PMEPA1: variants seen among roughly 807,000 people sequenced by gnomAD.
PMEPA1 encodes the protein prostate transmembrane protein, androgen induced 1.
PMEPA1 carries 11 observed loss-of-function variants against 23.0 expected under a neutral mutation model. The ratio of observed to expected loss-of-function variants is 0.48; its 90% CI spans 0.30 to 0.79. The LOEUF (loss-of-function observed/expected upper bound fraction) is 0.79. Among genes scored for constraint, PMEPA1 ranks in the 30% least tolerant of loss-of-function variants. The pLI is 0.06. For missense variants in PMEPA1, 377 were observed against 390.9 expected, an observed-to-expected ratio of 0.96 and a Z score of 0.30; for synonymous variants, 204 against 166.4, an observed-to-expected ratio of 1.23 and a Z score of -1.74.
chr20:57,699,395 C>T (rs867713961), intron 1 of PMEPA1, among the ~76,000 whole-genome samples: 41 of 152,218 alleles, frequency 2.7e-4, no homozygotes, highest in African/African-American at 9.4e-4. Flanking sequence ...TAATCACCTC[C>T]GTGCAGTAAT....
At chr20:57,663,093 A>G (rs1049238020) in intron 1 of PMEPA1, among the ~76,000 whole-genome samples, 1 of 152,222 alleles carries the variant, frequency 6.6e-6, no homozygotes, top group Non-Finnish European at 1.5e-5. Flanking sequence ...TCAGTAGCGC[A>G]TAAGAGCGTC....
intron 1 of PMEPA1, among the ~76,000 whole-genome samples, chr20:57,699,722 T>C (rs1349752859): frequency 1.3e-5 from 2 of 152,174 alleles, no homozygotes; most frequent in Non-Finnish European, 2.9e-5. Flanking sequence ...CGATTCAGCT[T>C]CCTACTTCTC....
chr20:57,651,683 GT>G lies in PMEPA1; in HGVS notation c.*369del, dbSNP rs1257000370. ...TAATATTGCAGATCTTTAAACAAAGGTTTTGTGCAAATATGTCTTTAAAGTT... is the reference window on the plus strand; with the variant it reads ...TAATATTGCAGATCTTTAAACAAAGGTTTGTGCAAATATGTCTTTAAAGTT... On this transcript the variant is annotated 3_prime_UTR_variant, in exon 4 of 4. Coordinates refer to ENST00000341744, the MANE Select transcript of PMEPA1 (RefSeq NM_020182.5). 2 of 152,568 alleles carry G rather than the reference GT, an allele frequency of 1.3e-5. No homozygotes were observed. Among genetic ancestry groups the G allele is most frequent in the Non-Finnish European group, 2.9e-5 (2 of 68,782 alleles). 9.5% of individuals were successfully genotyped at this position (152,568 alleles called of 1,614,324 possible). A position where few individuals can be genotyped will look rare whatever the true frequency, so the allele number is the denominator to read the frequency against.
At position 57,656,262 on chromosome 20, in the gene PMEPA1, T is replaced by TG. The variant is rs1488220577; in HGVS notation, c.265-3177dup. On this transcript the variant is annotated intron_variant, in intron 2 of 3. Transcript: ENST00000341744. The surrounding 1 kb of genome is among the most constrained non-coding windows in gnomAD (Gnocchi z 4.7). ...TCGGTATCTCCTGAGGCCATGGGAG[T>TG]GGACGCTAGGTCTTTGGCTCCCGCT... 3.4e-5 allele frequency among the ~76,000 whole-genome samples: 5 copies of TG among 148,958 alleles called. No individual in the cohort carries two copies. The highest frequency in any genetic ancestry group is 6.0e-5 in the Non-Finnish European group (4 of 66,914).
intron 1 of PMEPA1, among the ~76,000 whole-genome samples, chr20:57,688,002 T>A (rs2071823883): frequency 6.6e-6 from 1 of 152,018 alleles, no homozygotes; most frequent in African/African-American, 2.4e-5. Flanking sequence ...CTTTCCCTCT[T>A]CCCCTCTCAC....
In PMEPA1 at chr20:57,652,703, G is replaced by C; in HGVS notation, c.319-105C>G. 3 of 1,075,950 alleles carry C rather than the reference G, an allele frequency of 2.8e-6. No individual in the cohort carries two copies. The highest frequency in any genetic ancestry group is 3.9e-6 in the Non-Finnish European group (3 of 771,380). 66.7% of individuals were successfully genotyped at this position (1,075,950 alleles called of 1,614,324 possible). A position where few individuals can be genotyped will look rare whatever the true frequency, so the allele number is the denominator to read the frequency against. Reference sequence around the variant, plus strand: ...TGCTGCATGGGACTTGGCTCTCTGGGGAAAGGGAGAGGGCAGCAGGGCTGG... The same window carrying C: ...TGCTGCATGGGACTTGGCTCTCTGGCGAAAGGGAGAGGGCAGCAGGGCTGG... On this transcript the variant is annotated intron_variant, in intron 3 of 3. Transcript: ENST00000341744. This position sits in a 1 kb window ranked among gnomAD's most constrained non-coding sequence, Gnocchi z 6.1.
At chr20:57,693,912 C>A (rs2071914276) in intron 1 of PMEPA1, among the ~76,000 whole-genome samples, 1 of 152,234 alleles carries the variant, frequency 6.6e-6, no homozygotes, top group African/African-American at 2.4e-5. Context: ...CCATCATCAG[C>A]AGCAGGCTGA....
intron 1 of PMEPA1, among the ~76,000 whole-genome samples, chr20:57,679,780 C>T (rs780651765): frequency 5.1e-4 from 77 of 152,298 alleles, no homozygotes; most frequent in Non-Finnish European, 5.9e-4. Context: ...TTGTAAACGA[C>T]CCAGGGGAAA....
Position 57,682,542 on chromosome 20 carries a change from A to G in PMEPA1, c.110-22845T>C, listed in dbSNP as rs936563821. Reference sequence around the variant, plus strand: ...GCCCTCCCAGTAAAGAGGCTGCTGAATGCTACAGAGCAGGCTCCCGTGCCC... The same window carrying G: ...GCCCTCCCAGTAAAGAGGCTGCTGAGTGCTACAGAGCAGGCTCCCGTGCCC... On this transcript the variant is annotated intron_variant, in intron 1 of 3. Coordinates refer to ENST00000341744, the MANE Select transcript of PMEPA1 (RefSeq NM_020182.5). The surrounding 1 kb of genome is among the most constrained non-coding windows in gnomAD (Gnocchi z 4.4). Among the ~76,000 whole-genome samples, 2 of 152,176 alleles carry G rather than the reference A, an allele frequency of 1.3e-5. No homozygotes were observed. The highest frequency in any genetic ancestry group is 2.4e-5 in the African/African-American group (1 of 41,430).
At chr20:57,674,949 T>G (rs1050129534) in intron 1 of PMEPA1, among the ~76,000 whole-genome samples, 2 of 152,232 alleles carry the variant, frequency 1.3e-5, no homozygotes, top group Admixed American at 6.5e-5. Flanking sequence ...GAGGAATAGC[T>G]TGGAATCTTC....
At chr20:57,696,251 G>A (rs141204255) in intron 1 of PMEPA1, among the ~76,000 whole-genome samples, 251 of 152,268 alleles carry the variant, frequency 1.6e-3, no homozygotes, top group African/African-American at 5.7e-3. Flanking sequence ...AGGTGGGCTC[G>A]TCCCTGCCTA....
chr20:57,659,472 C>T (rs183519378), intron 2 of PMEPA1, 71 bp downstream of exon 2: 33 of 1,506,128 alleles, frequency 2.2e-5, no homozygotes, highest in East Asian at 9.4e-5. Flanking sequence ...CATTGGATCC[C>T]GTCTGAGTTT....
At chr20:57,706,810 G>A (rs867601011) in intron 1 of PMEPA1, among the ~76,000 whole-genome samples, 1 of 152,184 alleles carries the variant, frequency 6.6e-6, no homozygotes, top group Non-Finnish European at 1.5e-5. Context: ...CTGTAAGTCA[G>A]GGATGTGAAC....
At chr20:57,708,790 C>A (rs1452933300) in intron 1 of PMEPA1, among the ~76,000 whole-genome samples, 2 of 152,098 alleles carry the variant, frequency 1.3e-5, no homozygotes, top group Non-Finnish European at 2.9e-5. Context: ...TCCGGCCCAA[C>A]CAGACCAGAC....
rs995183777 is a variant in PMEPA1 at position 57,704,516 on chromosome 20, C to G, written c.109+4958G>C. 2.0e-5 allele frequency among the ~76,000 whole-genome samples: 3 copies of G among 152,224 alleles called. No homozygotes were observed. The highest frequency in any genetic ancestry group is 7.2e-5 in the African/African-American group (3 of 41,458). ...CTCTCAGCATGTGCACCGTACAGAA[C>G]CCGAGGCTGGCAGCAGCACAGCCTC... On this transcript the variant is annotated intron_variant, in intron 1 of 3. Coordinates refer to ENST00000341744, the MANE Select transcript of PMEPA1 (RefSeq NM_020182.5). The surrounding 1 kb of genome is among the most constrained non-coding windows in gnomAD (Gnocchi z 4.6).
Position 57,650,769 on chromosome 20 carries a change from T to C in PMEPA1, c.*1284A>G, listed in dbSNP as rs939039956. 1.1e-4 allele frequency: 16 copies of C among 152,142 alleles called. No homozygotes were observed. Among genetic ancestry groups the C allele is most frequent in the Non-Finnish European group, 4.4e-5 (3 of 68,046 alleles). The allele number at this position is 152,142 out of a possible 1,614,324, so 9.4% of individuals were successfully genotyped here. ...CTTGTCACCTTTTCATGTTGGGTTG[T>C]TTATTGGCCTCTTAAGTGAGAATTG... On this transcript the variant is annotated 3_prime_UTR_variant, in exon 4 of 4. Transcript: ENST00000341744.
chr20:57,663,607 C>G (rs374804359), intron 1 of PMEPA1, among the ~76,000 whole-genome samples: 2 of 152,234 alleles, frequency 1.3e-5, no homozygotes, highest in Non-Finnish European at 2.9e-5. Context: ...GCAGAGGGAG[C>G]ATCTAATGGA....
chr20:57,653,913 T>C (rs568655734), intron 2 of PMEPA1, among the ~76,000 whole-genome samples: 2 of 152,082 alleles, frequency 1.3e-5, no homozygotes, highest in Admixed American at 6.6e-5. Context: ...AGTCTTTCTC[T>C]CCCTTGATCT....
chr20:57,661,017 C>T (rs372721703), intron 1 of PMEPA1, among the ~76,000 whole-genome samples: 55 of 152,246 alleles, frequency 3.6e-4, no homozygotes, highest in African/African-American at 1.1e-3. Flanking sequence ...CACAAACACA[C>T]GCCACGCTCA....
Sources: gnomAD v4.1 joint callset for allele counts (sites outside exome capture counted in the v4.1 genomes callset) on GRCh38, gnomAD v4.1.1 for gene constraint, Gnocchi (gnomAD v3.1) non-coding constraint, MANE v1.5 for transcripts, NCBI Gene and HGNC (gene_info 2026-07-23, HGNC 2026-07-21) for gene names.